Variants in LIPA observed in about 807,000 individuals in gnomAD.
LIPA encodes the protein lysosomal acid lipase/cholesteryl ester hydrolase.
A neutral mutation model predicts 40.6 loss-of-function variants in LIPA; 26 were observed. The observed-to-expected ratio is 0.64, with a 90% CI of 0.47 to 0.89. LIPA has a LOEUF of 0.89. Among genes scored for constraint, LIPA ranks in the 40% least tolerant of loss-of-function variants. The pLI, the probability that LIPA is intolerant of heterozygous loss-of-function variation, is 0.00. For synonymous variants in LIPA, 188 were observed against 168.4 expected, an observed-to-expected ratio of 1.12 and a Z score of -0.90; for missense variants, 455 against 479.6, an observed-to-expected ratio of 0.95 and a Z score of 0.48.
chr10:89,339,711 C>A, intron 1 of LIPA: 2 of 1,614,138 alleles, frequency 1.2e-6, no homozygotes, highest in Non-Finnish European at 1.7e-6. Context: ...ATAAGGAAGT[C>A]CCTGATGCTG....
At chr10:89,235,445 T>C (rs1229426345) in intron 3 of LIPA, among the ~76,000 whole-genome samples, 2 of 152,182 alleles carry the variant, frequency 1.3e-5, no homozygotes, top group African/African-American at 4.8e-5. Context: ...TGGCCCTAAA[T>C]AGGACAAAGC....
At chr10:89,388,794 TA>T (rs140698869) in intron 2 of LIPA, among the ~76,000 whole-genome samples, 26,066 of 140,034 alleles carry the variant, frequency 0.19, 2,688 homozygotes, top group East Asian at 0.42. Context: ...GCCTGAAATG[TA>T]AAAAAAAAAA....
At chr10:89,339,246 G>A in intron 1 of LIPA, 1 of 1,614,198 alleles carries the variant, frequency 6.2e-7, no homozygotes. Flanking sequence ...ATGTTTTGAA[G>A]CAGGCCATTG....
chr10:89,365,323 T>A (rs916373904), intron 2 of LIPA, among the ~76,000 whole-genome samples: 1 of 152,374 alleles, frequency 6.6e-6, no homozygotes, highest in South Asian at 2.1e-4. Context: ...GTAAATTTGT[T>A]TGAGTTCTTT....
At chr10:89,260,279 G>A (rs1432779368) in intron 1 of LIPA, among the ~76,000 whole-genome samples, 2 of 152,140 alleles carry the variant, frequency 1.3e-5, no homozygotes, top group Non-Finnish European at 2.9e-5. Context: ...CTTCACTAAC[G>A]AGAATTTAAC....
intron 2 of LIPA, among the ~76,000 whole-genome samples, chr10:89,365,071 G>T (rs1844047628): frequency 6.6e-6 from 1 of 152,168 alleles, no homozygotes; most frequent in Non-Finnish European, 1.5e-5. Context: ...ATATTTAAGG[G>T]CTGGGAAAGG....
chr10:89,219,951 G>GCA (rs1483112895), intron 8 of LIPA, among the ~76,000 whole-genome samples: 1 of 152,200 alleles, frequency 6.6e-6, no homozygotes, highest in Non-Finnish European at 1.5e-5. Flanking sequence ...CACAAATGGG[G>GCA]CACAGAGCAG....
At chr10:89,308,483 T>A (rs1462665538) in intron 1 of LIPA, 1 of 152,236 alleles carries the variant, frequency 6.6e-6, no homozygotes, top group African/African-American at 2.4e-5. Context: ...TTCCCCCCTT[T>A]AGAAATGTTG....
At chr10:89,293,409 C>T (rs965508138) in intron 1 of LIPA, among the ~76,000 whole-genome samples, 1 of 152,174 alleles carries the variant, frequency 6.6e-6, no homozygotes, top group Admixed American at 6.5e-5. Context: ...CCCTTTTCTC[C>T]ACCCATATGT....
At chr10:89,265,784 ATAGCTCAC>A (rs1843232728) in intron 1 of LIPA, among the ~76,000 whole-genome samples, 1 of 152,248 alleles carries the variant, frequency 6.6e-6, no homozygotes, top group Non-Finnish European at 1.5e-5. Context: ...GACTTGTAAA[ATAGCTCAC>A]TAGTTAATGA....
chr10:89,287,541 A>C (rs1046200597), intron 1 of LIPA, among the ~76,000 whole-genome samples: 9 of 151,606 alleles, frequency 5.9e-5, no homozygotes, highest in Non-Finnish European at 1.0e-4. Flanking sequence ...TCCCAACCCA[A>C]AGCCTCCTTC....
intron 1 of LIPA, among the ~76,000 whole-genome samples, chr10:89,315,610 G>C (rs1843537499): frequency 1.3e-5 from 2 of 152,044 alleles, no homozygotes; most frequent in African/African-American, 4.8e-5. Flanking sequence ...TCTCAGGGTA[G>C]TATCAACTCC....
chr10:89,400,848 G>A (rs1229599351), intron 2 of LIPA, among the ~76,000 whole-genome samples: 1 of 152,146 alleles, frequency 6.6e-6, no homozygotes, highest in African/African-American at 2.4e-5. Context: ...TGATCGTGGA[G>A]GAAAAGCTTT....
intron 4 of LIPA, among the ~76,000 whole-genome samples, chr10:89,227,790 A>C (rs1329451815): frequency 6.6e-6 from 1 of 152,242 alleles, no homozygotes; most frequent in Non-Finnish European, 1.5e-5. Context: ...CAGGAGGCTT[A>C]TGTAAGATGT....
In LIPA at chr10:89,247,584, G is replaced by A. The variant is rs1351309253; in HGVS notation, c.65C>T (p.Ser22Phe). 1 of 1,613,118 alleles carries A rather than the reference G, an allele frequency of 6.2e-7. No individual in the cohort carries two copies. Among genetic ancestry groups the A allele is most frequent in the Non-Finnish European group, 8.5e-7 (1 of 1,179,490 alleles). ...LVLWTLHSEG[S>F]GGKLTAVDPE... ...ATCCACAGCTGTCAGTTTCCCTCCA[G>A]ACCCCTCAGAATGCAGGGTCCAGAG... The change falls in exon 2 of 10, where the codon TCT becomes TTT. Residue 22 changes from serine to phenylalanine, a missense_variant. Physicochemically the swap from Ser to Phe is radical, Grantham distance 155 (BLOSUM62 -2). Coordinates refer to ENST00000336233, the MANE Select transcript of LIPA (RefSeq NM_000235.4).
chr10:89,312,188 C>T (rs565374543), intron 1 of LIPA, among the ~76,000 whole-genome samples: 10 of 152,312 alleles, frequency 6.6e-5, no homozygotes, highest in East Asian at 1.9e-4. Flanking sequence ...CACCTGTAAT[C>T]GCCACACTTT....
intron 1 of LIPA, among the ~76,000 whole-genome samples, chr10:89,249,359 C>A (rs891990486): frequency 9.2e-5 from 14 of 152,164 alleles, no homozygotes; most frequent in African/African-American, 3.4e-4. Context: ...CAGAGAAAAA[C>A]CTAGGACTAG....
Position 89,411,501 on chromosome 10 carries a change from T to C in LIPA, c.61+1290A>G, listed in dbSNP as rs4406739. Among the ~76,000 whole-genome samples the C allele has an allele frequency of 3.9e-3, 600 of 152,354 alleles. 3 individuals carry two copies. The highest frequency in any genetic ancestry group is 0.014 in the African/African-American group (570 of 41,586). ...AGGTCTTACTAATAGCAAAGAATAA[T>C]TGAAATCCCAAACTTACAAGGTTTT... On this transcript the variant is annotated intron_variant, in intron 2 of 8. Coordinates refer to the LIPA transcript ENST00000371837.
intron 1 of LIPA, among the ~76,000 whole-genome samples, chr10:89,337,237 C>T (rs1274732594): frequency 2.0e-5 from 3 of 152,056 alleles, no homozygotes; most frequent in South Asian, 2.1e-4. Flanking sequence ...AAGCACCTGG[C>T]GGGCAGAGAA....
Sources: allele counts gnomAD v4.1 joint callset (sites outside exome capture counted in the v4.1 genomes callset), GRCh38; gene constraint gnomAD v4.1.1; transcripts MANE v1.5; gene names NCBI Gene and HGNC (gene_info 2026-07-23, HGNC 2026-07-21).